The following PARD3B variants were observed in gnomAD, a reference collection of about 807,000 sequenced individuals.
The protein encoded by PARD3B is par-3 family cell polarity regulator beta.
Under a neutral mutation model 130.2 loss-of-function variants are expected in PARD3B, and 103 were observed. The observed-to-expected ratio is 0.79, with a 90% CI of 0.67 to 0.93. The LOEUF is 0.93. PARD3B is among the 40% of genes least tolerant of loss of function. The pLI, the probability that PARD3B is intolerant of heterozygous loss-of-function variation, is 0.00. For missense variants in PARD3B, 1,609 were observed against 1,499.2 expected (o/e 1.07, Z -1.21); for synonymous variants, 583 against 553.2 (o/e 1.05, Z -0.76).
chr2:205,342,122 T>G (rs2043564418), intron 18 of PARD3B, among the ~76,000 whole-genome samples: 1 of 152,164 alleles, frequency 6.6e-6, no homozygotes, highest in African/African-American at 2.4e-5. Flanking sequence ...TGTTTCTGTA[T>G]GACTAAAGGG....
intron 2 of PARD3B, among the ~76,000 whole-genome samples, chr2:204,953,954 T>C (rs1166022868): frequency 6.6e-6 from 1 of 152,110 alleles, no homozygotes; most frequent in Non-Finnish European, 1.5e-5. Flanking sequence ...AGTCAACTGT[T>C]CCCAGAAAAG....
At chr2:204,832,447 C>G (rs2043863762) in intron 2 of PARD3B, among the ~76,000 whole-genome samples, 1 of 152,090 alleles carries the variant, frequency 6.6e-6, no homozygotes, top group African/African-American at 2.4e-5. Flanking sequence ...TGGTGTATAC[C>G]TTCTCGGTCT....
chr2:205,437,058 C>G (rs375334314), intron 19 of PARD3B, among the ~76,000 whole-genome samples: 4 of 152,246 alleles, frequency 2.6e-5, no homozygotes, highest in East Asian at 3.9e-4. Flanking sequence ...AGTTTATTGA[C>G]TGTACCCCTC....
At chr2:205,570,202 GA>G (rs2106544834) in intron 22 of PARD3B, among the ~76,000 whole-genome samples, 1 of 152,272 alleles carries the variant, frequency 6.6e-6, no homozygotes, top group South Asian at 2.1e-4. Flanking sequence ...CAAATTCTCT[GA>G]AGTTACATGC....
chr2:205,502,003 A>T, intron 21 of PARD3B, among the ~76,000 whole-genome samples: 1 of 152,154 alleles, frequency 6.6e-6, no homozygotes, highest in East Asian at 1.9e-4. Context: ...GAGGCTTCCC[A>T]AAGGGATGCT....
At chr2:205,108,169 T>C (rs1406957723) in intron 5 of PARD3B, among the ~76,000 whole-genome samples, 1 of 152,214 alleles carries the variant, frequency 6.6e-6, no homozygotes, top group African/African-American at 2.4e-5. Flanking sequence ...CAAGCCTCTG[T>C]TACTCTATTA....
chr2:205,211,699 A>AT (rs1029643935), intron 15 of PARD3B, among the ~76,000 whole-genome samples: 2 of 152,116 alleles, frequency 1.3e-5, no homozygotes, highest in Non-Finnish European at 2.9e-5. Context: ...CAATGAAGGT[A>AT]TAAAAATTAA....
chr2:204,865,104 G>A (rs773417524), intron 2 of PARD3B, among the ~76,000 whole-genome samples: 2 of 151,758 alleles, frequency 1.3e-5, no homozygotes, highest in African/African-American at 2.4e-5. Flanking sequence ...ATGCAAGAAC[G>A]GCCATAATAA....
chr2:204,589,762 G>A (rs1237276580), intron 1 of PARD3B, among the ~76,000 whole-genome samples: 3 of 152,096 alleles, frequency 2.0e-5, no homozygotes, highest in Non-Finnish European at 4.4e-5. Flanking sequence ...GGACAATGTT[G>A]GTGCCATTGA....
intron 18 of PARD3B, among the ~76,000 whole-genome samples, chr2:205,399,511 C>T (rs1340216980): frequency 6.6e-5 from 10 of 151,610 alleles, no homozygotes; most frequent in African/African-American, 2.2e-4. Context: ...TGCACCACGA[C>T]GCCCGGCTAA....
intron 2 of PARD3B, among the ~76,000 whole-genome samples, chr2:204,722,982 A>G (rs921189274): frequency 1.3e-5 from 2 of 152,136 alleles, no homozygotes; most frequent in African/African-American, 4.8e-5. Flanking sequence ...ATTGGGGAGT[A>G]ATTTTTATAA....
At chr2:205,603,714 C>T (rs1049486378) in intron 22 of PARD3B, among the ~76,000 whole-genome samples, 8 of 151,904 alleles carry the variant, frequency 5.3e-5, no homozygotes, top group African/African-American at 1.9e-4. Flanking sequence ...AAATTTTCCT[C>T]CATCCCTTTA....
chr2:204,584,030 TG>T (rs1234298042), intron 1 of PARD3B, among the ~76,000 whole-genome samples: 3 of 152,216 alleles, frequency 2.0e-5, no homozygotes, highest in Non-Finnish European at 4.4e-5. Context: ...GTTGGGGGCA[TG>T]CAGCCTGTGA....
At chr2:205,051,373 A>C (rs1423573307) in intron 4 of PARD3B, among the ~76,000 whole-genome samples, 1 of 152,204 alleles carries the variant, frequency 6.6e-6, no homozygotes, top group African/African-American at 2.4e-5. Context: ...AGGAAGAAAA[A>C]ACAATCAAAA....
At chr2:205,576,295 A>G (rs1266775853) in intron 22 of PARD3B, among the ~76,000 whole-genome samples, 2 of 146,930 alleles carry the variant, frequency 1.4e-5, no homozygotes, top group Non-Finnish European at 3.0e-5. Context: ...TGTCTTTTGC[A>G]AATATTTTCT....
chr2:204,694,546 T>G (rs2037519056), intron 2 of PARD3B, among the ~76,000 whole-genome samples: 1 of 152,058 alleles, frequency 6.6e-6, no homozygotes, highest in South Asian at 2.1e-4. Context: ...AATTGAAGAT[T>G]TCTAATTGAC....
At chr2:205,399,634 C>A (rs920275572) in intron 18 of PARD3B, among the ~76,000 whole-genome samples, 1 of 152,068 alleles carries the variant, frequency 6.6e-6, no homozygotes, top group Non-Finnish European at 1.5e-5. Flanking sequence ...GGATTACAGG[C>A]GTGAGCCACC....
intron 2 of PARD3B, among the ~76,000 whole-genome samples, chr2:204,757,224 T>A (rs73060933): frequency 0.019 from 2,864 of 152,324 alleles, 91 homozygotes; most frequent in African/African-American, 0.063. Flanking sequence ...CATAAATATA[T>A]GAATGCAAGT....
In PARD3B at chr2:205,158,061, A is replaced by C. The variant is rs2034287429; in HGVS notation, c.1435-661A>C. Among the ~76,000 whole-genome samples, 1 of 152,180 alleles carries C rather than the reference A, an allele frequency of 6.6e-6. No homozygotes were observed. Among genetic ancestry groups the C allele is most frequent in the Admixed American group, 6.5e-5 (1 of 15,280 alleles). ...ATAATCATTTTTGTTTAGGTTTAAA[A>C]ATTTAATGGCAGTGAGTTATACTAC... On this transcript the variant is annotated intron_variant, in intron 10 of 22. Transcript: ENST00000406610. The surrounding 1 kb of genome is among the most constrained non-coding windows in gnomAD (Gnocchi z 5.4).
Sources: allele counts gnomAD v4.1 joint callset (sites outside exome capture counted in the v4.1 genomes callset), GRCh38; gene constraint gnomAD v4.1.1; non-coding constraint Gnocchi (gnomAD v3.1); transcripts MANE v1.5; gene names NCBI Gene and HGNC (gene_info 2026-07-23, HGNC 2026-07-21).